The following GRM3 variants were observed in gnomAD, a reference collection of about 807,000 sequenced individuals.
The protein encoded by GRM3 is glutamate metabotropic receptor 3.
In GRM3, 26 loss-of-function variants were observed where a neutral mutation model predicts 70.5. That is an observed-to-expected ratio of 0.37 (90% CI 0.27 to 0.51). The LOEUF (loss-of-function observed/expected upper bound fraction) is 0.51. Ranked by LOEUF, GRM3 falls within the 20% of genes least tolerant of loss-of-function variation. The pLI is 0.93. For synonymous variants in GRM3, 443 were observed against 434.9 expected, an observed-to-expected ratio of 1.02 and a Z score of -0.23; for missense variants, 859 against 1,123.8, an observed-to-expected ratio of 0.76 and a Z score of 3.37.
intron 1 of GRM3, among the ~76,000 whole-genome samples, chr7:86,720,382 AT>A (rs1795428983): frequency 6.6e-6 from 1 of 152,068 alleles, no homozygotes; most frequent in Non-Finnish European, 1.5e-5. Flanking sequence ...TGAGGGTACC[AT>A]TGAGCAGTTG....
intron 1 of GRM3, among the ~76,000 whole-genome samples, chr7:86,703,571 G>A (rs1189397444): frequency 6.6e-6 from 1 of 151,978 alleles, no homozygotes; most frequent in African/African-American, 2.4e-5. Context: ...TGAGGATTAT[G>A]TAATACTCAT....
intron 3 of GRM3, among the ~76,000 whole-genome samples, chr7:86,816,350 T>C (rs1481900322): frequency 6.6e-6 from 1 of 151,868 alleles, no homozygotes; most frequent in East Asian, 1.9e-4. Flanking sequence ...CATAGGTAAA[T>C]TGCATGTCAC....
chr7:86,823,996 C>G (rs1266890111), intron 3 of GRM3, among the ~76,000 whole-genome samples: 1 of 152,174 alleles, frequency 6.6e-6, no homozygotes, highest in Non-Finnish European at 1.5e-5. Flanking sequence ...AGGGGCAGAG[C>G]TGCTGAGGCA....
intron 3 of GRM3, among the ~76,000 whole-genome samples, chr7:86,817,956 A>G (rs1366863874): frequency 6.6e-6 from 1 of 152,022 alleles, no homozygotes; most frequent in Non-Finnish European, 1.5e-5. Context: ...CAATACATGC[A>G]CACACACATG....
chr7:86,808,330 C>T (rs1207109902), intron 3 of GRM3, among the ~76,000 whole-genome samples: 2 of 152,068 alleles, frequency 1.3e-5, no homozygotes, highest in Non-Finnish European at 2.9e-5. Flanking sequence ...TGTACCAGCT[C>T]CTCTTTGTAC....
At chr7:86,682,829 T>C (rs1794474197) in intron 1 of GRM3, among the ~76,000 whole-genome samples, 1 of 152,140 alleles carries the variant, frequency 6.6e-6, no homozygotes, top group African/African-American at 2.4e-5. Flanking sequence ...AAAATATTCT[T>C]ATAAGAGTGA....
intron 3 of GRM3, among the ~76,000 whole-genome samples, chr7:86,821,891 T>C (rs1462034358): frequency 6.6e-6 from 1 of 152,104 alleles, no homozygotes; most frequent in African/African-American, 2.4e-5. Flanking sequence ...GTGGGATTTT[T>C]CCCCATCTTC....
intron 3 of GRM3, among the ~76,000 whole-genome samples, chr7:86,819,641 A>C (rs1171585752): frequency 6.6e-6 from 1 of 152,064 alleles, no homozygotes; most frequent in Non-Finnish European, 1.5e-5. Flanking sequence ...CAAAGAATGG[A>C]CTCGTGTCAA....
chr7:86,794,293 A>G (rs540550405), intron 3 of GRM3, among the ~76,000 whole-genome samples: 5 of 152,194 alleles, frequency 3.3e-5, no homozygotes, highest in Non-Finnish European at 7.3e-5. Flanking sequence ...GCCAACATAC[A>G]TAAAGGAACT....
At chr7:86,841,774 C>A (rs1186340468) in intron 4 of GRM3, among the ~76,000 whole-genome samples, 1 of 151,998 alleles carries the variant, frequency 6.6e-6, no homozygotes, top group Non-Finnish European at 1.5e-5. Flanking sequence ...ACTTCTAAGA[C>A]ACACAAAAAA....
rs771906401 is a variant in GRM3, at chr7:86,864,422, G to A, written c.*67G>A. On this transcript the variant is annotated 3_prime_UTR_variant, in exon 6 of 6. Coordinates refer to ENST00000361669, the MANE Select transcript of GRM3 (RefSeq NM_000840.3). ...ACAAAAGTGCTCACGTGCAGCTCCA[G>A]AATATGGAAACAGAGCAAAAGAACA... 4.1e-5 allele frequency: 44 copies of A among 1,081,308 alleles called. No individual in the cohort carries two copies. Among genetic ancestry groups the A allele is most frequent in the Non-Finnish European group, 5.5e-5 (38 of 693,424 alleles). 67.0% of individuals were successfully genotyped at this position (1,081,308 alleles called of 1,614,324 possible).
At chr7:86,646,006 T>G (rs2695806) in intron 1 of GRM3, among the ~76,000 whole-genome samples, 4,367 of 10,146 alleles carry the variant, frequency 0.43, 394 homozygotes, top group Non-Finnish European at 0.46. Flanking sequence ...GGTGGGGGGG[T>G]GGGGGGGGGT....
chr7:86,685,776 C>T (rs779484634), intron 1 of GRM3, among the ~76,000 whole-genome samples: 83 of 151,642 alleles, frequency 5.5e-4, no homozygotes, highest in Admixed American at 1.2e-3. Flanking sequence ...CATGGTGGGG[C>T]GCACCTGTAG....
Position 86,850,552 on chromosome 7 carries a change from T to C in GRM3, c.2566+8T>C, listed in dbSNP as rs774915391. The C allele has an allele frequency of 6.3e-7, 1 of 1,585,878 alleles. No individual in the cohort carries two copies. The highest frequency in any genetic ancestry group is 8.7e-7 in the Non-Finnish European group (1 of 1,154,624). ...GGACCACATACTCTCAGTGTAAGTA[T>C]GGAACTCAGCACTAACTCCTTCATA... On this transcript the variant is annotated splice_region_variant and intron_variant, in intron 5 of 5. Transcript: ENST00000361669.
chr7:86,688,786 G>A (rs1448952646), intron 1 of GRM3, among the ~76,000 whole-genome samples: 1 of 146,966 alleles, frequency 6.8e-6, no homozygotes, highest in Non-Finnish European at 1.5e-5. Context: ...TGTGATATGA[G>A]AGATATGATA....
chr7:86,675,176 T>C (rs1227457920), intron 1 of GRM3, among the ~76,000 whole-genome samples: 3 of 152,104 alleles, frequency 2.0e-5, no homozygotes, highest in Non-Finnish European at 4.4e-5. Flanking sequence ...ACATATTTCA[T>C]GTTTAGGGCT....
At chr7:86,772,612 C>A (rs1441692384) in intron 2 of GRM3, among the ~76,000 whole-genome samples, 1 of 152,052 alleles carries the variant, frequency 6.6e-6, no homozygotes, top group African/African-American at 2.4e-5. Context: ...AGAGCCTGTC[C>A]TCTTATCTAG....
rs372685717 is a variant in GRM3, at chr7:86,660,330, G to A, written c.-141+15458G>A. On this transcript the variant is annotated intron_variant, in intron 1 of 5. Transcript: ENST00000361669. ...CCTTTCCTTGTATCCTAGGAGAAGA[G>A]CTCTAATAGACTGGGAATTTTTGCT... Among the ~76,000 whole-genome samples the A allele has an allele frequency of 3.4e-4, 51 of 152,086 alleles. 1 individual carries two copies. The South Asian group carries it at 8.7e-3, about 26-fold the overall frequency.
chr7:86,765,634 T>G, intron 2 of GRM3, 21 bp downstream of exon 2: 2 of 1,598,790 alleles, frequency 1.3e-6, no homozygotes, highest in Non-Finnish European at 1.7e-6. Flanking sequence ...CTAATGCTAT[T>G]GCTAAAAGGC....
Sources: allele counts gnomAD v4.1 joint callset (sites outside exome capture counted in the v4.1 genomes callset), GRCh38; gene constraint gnomAD v4.1.1; transcripts MANE v1.5; gene names NCBI Gene and HGNC (gene_info 2026-07-23, HGNC 2026-07-21).